Variants in GNL3L observed in about 807,000 individuals in gnomAD.
GNL3L encodes guanine nucleotide-binding protein-like 3-like protein.
GNL3L carries 4 observed loss-of-function variants against 42.9 expected under a neutral mutation model. That is an observed-to-expected ratio of 0.09 (90% confidence interval 0.05 to 0.21). The LOEUF is 0.21. Ranked by LOEUF, GNL3L falls within the 10% of genes least tolerant of loss-of-function variation. The pLI, the probability that GNL3L is intolerant of heterozygous loss-of-function variation, is 1.00. For missense variants in GNL3L, 412 were observed against 481.7 expected, an observed-to-expected ratio of 0.86 and a Z score of 1.36; for synonymous variants, 159 against 176.3, an observed-to-expected ratio of 0.90 and a Z score of 0.78.
intron 16 of GNL3L, among the ~76,000 whole-genome samples, chrX:54,602,077 T>C (rs1220086512): frequency 9.0e-6 from 1 of 111,183 alleles, no homozygotes; most frequent in Non-Finnish European, 1.9e-5. Context: ...TACATAGTTT[T>C]AATTTCTCTA....
chrX:54,569,763 GCTTTAT>G (rs977985266), downstream of GNL3L, among the ~76,000 whole-genome samples: 2 of 111,596 alleles, frequency 1.8e-5, no homozygotes, highest in African/African-American at 6.5e-5. Context: ...ATTGGTTTCT[GCTTTAT>G]CTTTATTGTT....
the GNL3L span, among the ~76,000 whole-genome samples, chrX:54,644,972 T>C: frequency 8.9e-6 from 1 of 111,925 alleles, no homozygotes; most frequent in East Asian, 2.8e-4. Flanking sequence ...ATATGTTTTA[T>C]GTGTTCCTTG....
intron 16 of GNL3L, among the ~76,000 whole-genome samples, chrX:54,610,029 A>G (rs1036881395): frequency 8.9e-6 from 1 of 111,961 alleles, no homozygotes; most frequent in African/African-American, 3.2e-5. Flanking sequence ...TTCTTTCAGC[A>G]GTGTTTTGTA....
intron 14 of GNL3L, 33 bp from the exon 15 acceptor site, chrX:54,558,403 G>C (rs1023302280): frequency 1.1e-5 from 11 of 1,010,258 alleles, no homozygotes; most frequent in Admixed American, 2.2e-5. Flanking sequence ...TGGGGGTTAA[G>C]ACCTCATCGT....
At chrX:54,615,494 CTG>C (rs1926210461) in intron 16 of GNL3L, among the ~76,000 whole-genome samples, 1 of 111,664 alleles carries the variant, frequency 9.0e-6, no homozygotes, top group Admixed American at 9.5e-5. Context: ...AACTGTCAAA[CTG>C]TTTTTCACAG....
chrX:54,534,756 G>C (rs1341470892), intron 2 of GNL3L, among the ~76,000 whole-genome samples: 1 of 111,496 alleles, frequency 9.0e-6, no homozygotes, highest in African/African-American at 3.3e-5. Context: ...GCTCCTGAGT[G>C]CTGGGAGGGA....
intron 5 of GNL3L, among the ~76,000 whole-genome samples, chrX:54,542,546 C>T (rs190927390): frequency 0.011 from 1,251 of 110,858 alleles, 55 homozygotes; most frequent in Admixed American, 0.09. Context: ...TGAATAGTGC[C>T]GCAATAAACA....
chrX:54,574,528 C>A (rs1164975625), intron 16 of GNL3L, among the ~76,000 whole-genome samples: 2 of 112,162 alleles, frequency 1.8e-5, no homozygotes, highest in South Asian at 3.6e-4. Context: ...CCACTGGATT[C>A]ATTTTGCTAC....
intron 16 of GNL3L, among the ~76,000 whole-genome samples, chrX:54,575,916 A>C (rs1251295299): frequency 8.9e-6 from 1 of 112,126 alleles, no homozygotes; most frequent in Non-Finnish European, 1.9e-5. Context: ...ATCTCAAAAA[A>C]AAATGTATTA....
chrX:54,613,637 G>A (rs903432254), intron 16 of GNL3L, among the ~76,000 whole-genome samples: 1 of 111,211 alleles, frequency 9.0e-6, no homozygotes, highest in African/African-American at 3.3e-5. Context: ...TCCTATGGAT[G>A]TGGCTTCCTA....
At chrX:54,531,239 TCCCC>T (rs1190701644) in intron 1 of GNL3L, among the ~76,000 whole-genome samples, 1 of 108,694 alleles carries the variant, frequency 9.2e-6, no homozygotes, top group African/African-American at 3.4e-5. Flanking sequence ...ACACAGATCA[TCCCC>T]CTACCTCCCC....
chrX:54,642,409 CTTCCTTTCATTTAT>C, the GNL3L span, among the ~76,000 whole-genome samples: 67 of 112,033 alleles, frequency 6.0e-4, no homozygotes, highest in African/African-American at 2.2e-3. Flanking sequence ...TCCTTCGACT[CTTCCTTTCATTTAT>C]TTCCTTTCAA....
At chrX:54,607,026 T>G (rs1384802170) in intron 16 of GNL3L, among the ~76,000 whole-genome samples, 1 of 65,998 alleles carries the variant, frequency 1.5e-5, no homozygotes, top group Non-Finnish European at 2.5e-5. Context: ...CTTTCTTTCT[T>G]TCTTTCTTTC....
chrX:54,560,732 T>G lies in GNL3L; in HGVS notation c.*130T>G. The G allele has an allele frequency of 2.1e-6, 1 of 482,955 alleles. No individual in the cohort carries two copies. 39.8% of individuals were successfully genotyped at this position (482,955 alleles called of 1,213,427 possible). On this transcript the variant is annotated 3_prime_UTR_variant, in exon 16 of 16. Transcript: ENST00000360845. ...AACGCTTTCCCCACTGTGTGTCTTC[T>G]CCCCCTCCTCCAGTAAAAACAGTCC...
chrX:54,622,592 A>C (rs1189791614), downstream of GNL3L, among the ~76,000 whole-genome samples: 1 of 110,371 alleles, frequency 9.1e-6, no homozygotes, highest in Non-Finnish European at 1.9e-5. Flanking sequence ...GCCGAGTTGC[A>C]TGAGTTTTTA....
chrX:54,584,390 C>T (rs1322908247), intron 16 of GNL3L, among the ~76,000 whole-genome samples: 1 of 111,069 alleles, frequency 9.0e-6, no homozygotes, highest in Non-Finnish European at 1.9e-5. Context: ...ATATGTGGTA[C>T]ATGTAATTTT....
At chrX:54,585,911 A>G (rs187366037) in intron 16 of GNL3L, among the ~76,000 whole-genome samples, 279 of 111,194 alleles carry the variant, frequency 2.5e-3, no homozygotes, top group Middle Eastern at 4.7e-3. Context: ...TTTTTGATGC[A>G]TGCCATCCAT....
At chrX:54,630,377 A>T in the GNL3L span, among the ~76,000 whole-genome samples, 1 of 108,771 alleles carries the variant, frequency 9.2e-6, no homozygotes, top group African/African-American at 3.4e-5. Context: ...TGACTTTTTG[A>T]TGTAGGCATT....
chrX:54,589,240 A>G lies in GNL3L; in HGVS notation c.*45+28593A>G, dbSNP rs775041310. 2.7e-3 allele frequency among the ~76,000 whole-genome samples: 300 copies of G among 111,679 alleles called. 3 individuals carry two copies. Among genetic ancestry groups the G allele is most frequent in the African/African-American group, 9.5e-3 (291 of 30,761 alleles). ...AGTCACCCTATAAATAGACGGAAAA[A>G]TAGTCTATTATTGACTATATTCACC... On this transcript the variant is annotated intron_variant, in intron 16 of 16. Transcript: ENST00000674498.
Sources: gnomAD v4.1 joint callset for allele counts (sites outside exome capture counted in the v4.1 genomes callset) on GRCh38, gnomAD v4.1.1 for gene constraint, MANE v1.5 for transcripts, NCBI Gene and HGNC (gene_info 2026-07-23, HGNC 2026-07-21) for gene names.